Variants in POU3F3 observed in about 807,000 individuals in gnomAD.
The protein encoded by POU3F3 is POU domain, class 3, transcription factor 3.
Under a neutral mutation model 8.6 loss-of-function variants are expected in POU3F3, and 1 was observed. The ratio of observed to expected loss-of-function variants is 0.12; its 90% CI spans 0.04 to 0.55. The LOEUF (loss-of-function observed/expected upper bound fraction) is 0.55. Ranked by LOEUF, POU3F3 falls within the 20% of genes least tolerant of loss-of-function variation. The probability of loss-of-function intolerance (pLI) is 0.91; values close to 1 mark genes in which losing one functional copy is unlikely to be tolerated. For missense variants in POU3F3, 577 were observed against 690.7 expected, an observed-to-expected ratio of 0.84 and a Z score of 1.84; for synonymous variants, 418 against 327.4, an observed-to-expected ratio of 1.28 and a Z score of -2.99.
In POU3F3 at chr2:104,855,600, C is replaced by T. The variant is rs756985681; in HGVS notation, c.90C>T (p.Gly30=). ...TGCACTCGGACGCGGCAGGGGCTGG[C>T]GGCGGCGGGGGTGGCGGCGGCGGCG... The part of the protein sequence containing the change: ...SIVHSDAAGA[G]GGGGGGGGGG... Residue 30 remains glycine (G), a synonymous_variant, in exon 1 of 1, where the codon GGC becomes GGT. Transcript: ENST00000361360. 195 of 924,358 alleles carry T rather than the reference C, an allele frequency of 2.1e-4. No homozygotes were observed. The highest frequency in any genetic ancestry group is 1.7e-3 in the Middle Eastern group (3 of 1,768). 57.3% of individuals were successfully genotyped at this position (924,358 alleles called of 1,614,324 possible). A position where few individuals can be genotyped will look rare whatever the true frequency, so the allele number is the denominator to read the frequency against.
the POU3F3 span, among the ~76,000 whole-genome samples, chr2:104,869,612 G>C: frequency 6.6e-6 from 1 of 152,286 alleles, no homozygotes; most frequent in African/African-American, 2.4e-5. Context: ...TAGGACAGCT[G>C]GACAGGATCA....
At chr2:104,864,371 T>A in the POU3F3 span, among the ~76,000 whole-genome samples, 1 of 152,152 alleles carries the variant, frequency 6.6e-6, no homozygotes, top group South Asian at 2.1e-4. Flanking sequence ...TTGGCAAACA[T>A]GAGAACTTTA....
the POU3F3 span, among the ~76,000 whole-genome samples, chr2:104,869,355 G>A: frequency 7.5e-4 from 114 of 152,360 alleles, 1 homozygote; most frequent in East Asian, 0.02. Context: ...AGGAGGCCCT[G>A]AAGGGGCGAT....
chr2:104,859,767 A>G (rs4851045), downstream of POU3F3, among the ~76,000 whole-genome samples: 99,924 of 152,102 alleles, frequency 0.66, 33,170 homozygotes, highest in East Asian at 0.9. Flanking sequence ...AAGGCCACAT[A>G]TATTAAACAG....
the POU3F3 span, among the ~76,000 whole-genome samples, chr2:104,909,924 T>C: frequency 6.6e-6 from 1 of 152,180 alleles, no homozygotes; most frequent in East Asian, 1.9e-4. Flanking sequence ...TCCCTGAAAA[T>C]CTATTTTTAT....
chr2:104,922,559 A>T, the POU3F3 span, among the ~76,000 whole-genome samples: 44 of 152,304 alleles, frequency 2.9e-4, no homozygotes, highest in East Asian at 6.0e-3. Flanking sequence ...AGATTTGAGC[A>T]GGCGGAAGAA....
the POU3F3 span, chr2:104,868,306 G>A: frequency 2.2e-6 from 1 of 456,730 alleles, no homozygotes; most frequent in Non-Finnish European, 4.4e-6. Context: ...TCAGGGCTAG[G>A]AGCAGGTGCA....
At chr2:104,919,469 T>C in the POU3F3 span, among the ~76,000 whole-genome samples, 1 of 152,200 alleles carries the variant, frequency 6.6e-6, no homozygotes, top group Admixed American at 6.5e-5. Context: ...GTTCACAGGC[T>C]TGGGCAGGCC....
At chr2:104,872,394 A>G in the POU3F3 span, 1 of 455,812 alleles carries the variant, frequency 2.2e-6, no homozygotes, top group Non-Finnish European at 4.4e-6. This position sits in a 1 kb window ranked among gnomAD's most constrained non-coding sequence, Gnocchi z 4.6. Flanking sequence ...AAAACCGGGT[A>G]TGGGGGAAGG....
chr2:104,874,825 T>C, the POU3F3 span, among the ~76,000 whole-genome samples: 1 of 152,240 alleles, frequency 6.6e-6, no homozygotes, highest in African/African-American at 2.4e-5. Context: ...TTTATAGTAG[T>C]AAAATATGTA....
the POU3F3 span, among the ~76,000 whole-genome samples, chr2:104,903,269 ATTTAT>A: frequency 6.6e-6 from 1 of 152,152 alleles, no homozygotes; most frequent in Non-Finnish European, 1.5e-5. Flanking sequence ...CCTACCTCTG[ATTTAT>A]GTTAATATTA....
At chr2:104,887,893 G>T in the POU3F3 span, among the ~76,000 whole-genome samples, 1 of 152,214 alleles carries the variant, frequency 6.6e-6, no homozygotes, top group Non-Finnish European at 1.5e-5. Flanking sequence ...AGTGTTAAAA[G>T]CGGGGAACAC....
In POU3F3 at chr2:104,856,179, G is replaced by T. The variant is rs1349829797; in HGVS notation, c.669G>T (p.Ser223=). 2.4e-6 allele frequency: 3 copies of T among 1,268,478 alleles called. No homozygotes were observed. Among genetic ancestry groups the T allele is most frequent in the Non-Finnish European group, 3.0e-6 (3 of 1,011,480 alleles). 78.6% of individuals were successfully genotyped at this position (1,268,478 alleles called of 1,614,324 possible). ...CGCCGCCGCAGAGTCTGCTCTACTC[G>T]CAGCCCGGAGGCTTCACGGTGAACG... The part of the protein sequence containing the change: ...QQPPPQSLLY[S]QPGGFTVNGM... The change falls in exon 1 of 1, where the codon TCG becomes TCT. Residue 223 remains serine, a synonymous_variant. Coordinates refer to ENST00000361360, the MANE Select transcript of POU3F3 (RefSeq NM_006236.3).
the POU3F3 span, among the ~76,000 whole-genome samples, chr2:104,903,453 T>C: frequency 6.6e-6 from 1 of 152,222 alleles, no homozygotes; most frequent in Non-Finnish European, 1.5e-5. Context: ...CATTTTCTTT[T>C]CCTACTGCAC....
the POU3F3 span, among the ~76,000 whole-genome samples, chr2:104,896,131 A>G: frequency 6.6e-6 from 1 of 152,226 alleles, no homozygotes; most frequent in Non-Finnish European, 1.5e-5. Context: ...GAGTAACAGG[A>G]TGTGGTGCTG....
the POU3F3 span, among the ~76,000 whole-genome samples, chr2:104,927,197 A>T: frequency 6.6e-6 from 1 of 152,186 alleles, no homozygotes; most frequent in Non-Finnish European, 1.5e-5. Context: ...AATCCCACTC[A>T]TGAGGGCTCT....
chr2:104,872,073 G>GACACAC, the POU3F3 span, among the ~76,000 whole-genome samples: 1 of 149,940 alleles, frequency 6.7e-6, no homozygotes, highest in South Asian at 2.1e-4. This position sits in a 1 kb window ranked among gnomAD's most constrained non-coding sequence, Gnocchi z 4.6. Context: ...CACACACACA[G>GACACAC]ACACACACAC....
chr2:104,857,010 G>T lies in POU3F3; in HGVS notation c.1500G>T (p.Gln500His), dbSNP rs775527775. Reference sequence around the variant, plus strand: ...ACCACGGGCTGCAGACGAGCGTTCAGTGAAGCCAGGGCGCAGAGCGAAGAG... The same window carrying T: ...ACCACGGGCTGCAGACGAGCGTTCATTGAAGCCAGGGCGCAGAGCGAAGAG... Reference protein sequence around the residue: ...PPHHGLQTSVQ With the variant: ...PPHHGLQTSVH Residue 500 changes from glutamine (Q) to histidine (H), a missense_variant, in exon 1 of 1, where the codon CAG becomes CAT. Coordinates refer to ENST00000361360, the MANE Select transcript of POU3F3 (RefSeq NM_006236.3). The T allele has an allele frequency of 6.3e-7, 1 of 1,593,108 alleles. No individual in the cohort carries two copies. The highest frequency in any genetic ancestry group is 1.1e-5 in the South Asian group (1 of 89,508).
At chr2:104,890,435 C>G in the POU3F3 span, among the ~76,000 whole-genome samples, 1 of 152,190 alleles carries the variant, frequency 6.6e-6, no homozygotes, top group Non-Finnish European at 1.5e-5. Flanking sequence ...CCTTTATTCT[C>G]TTTCCTCTCC....
Sources: allele counts gnomAD v4.1 joint callset (sites outside exome capture counted in the v4.1 genomes callset), GRCh38; gene constraint gnomAD v4.1.1; non-coding constraint Gnocchi (gnomAD v3.1); transcripts MANE v1.5; gene names NCBI Gene and HGNC (gene_info 2026-07-23, HGNC 2026-07-21).